ACACA: variants seen among roughly 807,000 people sequenced by gnomAD.
The protein encoded by ACACA is acetyl-CoA carboxylase 1.
In ACACA, 103 loss-of-function variants were observed where a neutral mutation model predicts 296.1. The ratio of observed to expected loss-of-function variants is 0.35; its 90% confidence interval spans 0.30 to 0.41. ACACA has a LOEUF of 0.41. Ranked by LOEUF, ACACA falls within the 10% of genes least tolerant of loss-of-function variation. The probability of loss-of-function intolerance (pLI) is 1.00; values close to 1 mark genes in which losing one functional copy is unlikely to be tolerated. For synonymous variants in ACACA, 953 were observed against 1,038.6 expected, an observed-to-expected ratio of 0.92 and a Z score of 1.58; for missense variants, 1,554 against 2,989.7, an observed-to-expected ratio of 0.52 and a Z score of 11.20.
At chr17:37,401,160 C>T (rs967910521) in intron 1 of ACACA, among the ~76,000 whole-genome samples, 1 of 151,204 alleles carries the variant, frequency 6.6e-6, no homozygotes, top group Non-Finnish European at 1.5e-5. Context: ...TTTCACATAC[C>T]AGTTAGCTAT....
At chr17:37,202,628 TTTTG>T (rs1175926406) in intron 33 of ACACA, among the ~76,000 whole-genome samples, 2 of 146,192 alleles carry the variant, frequency 1.4e-5, no homozygotes, top group Non-Finnish European at 3.0e-5. Flanking sequence ...CCACTTTATC[TTTTG>T]TTTTTTTCTT....
intron 14 of ACACA, among the ~76,000 whole-genome samples, chr17:37,254,848 T>C (rs2081155713): frequency 6.9e-6 from 1 of 144,064 alleles, no homozygotes; most frequent in Admixed American, 7.1e-5. Flanking sequence ...CTGGGTGTGG[T>C]GGCGGGCACT....
chr17:37,177,595 T>G (rs1009497622), intron 41 of ACACA, among the ~76,000 whole-genome samples: 1 of 152,218 alleles, frequency 6.6e-6, no homozygotes, highest in Admixed American at 6.5e-5. Context: ...AAAACCATTT[T>G]GCTCTCAGCC....
chr17:37,144,414 C>G, intron 45 of ACACA: 1 of 341,702 alleles, frequency 2.9e-6, no homozygotes, highest in Admixed American at 4.0e-5. Flanking sequence ...GCTGCCCGCC[C>G]CACAGTGAGA....
intron 47 of ACACA, 140 bp downstream of exon 47, chr17:37,129,225 G>T: frequency 2.5e-6 from 3 of 1,187,568 alleles, no homozygotes; most frequent in Non-Finnish European, 3.7e-6. Flanking sequence ...CAGAGGGCTG[G>T]TTTTCAGGTC....
At position 37,258,212 on chromosome 17, in the gene ACACA, C is replaced by G; in HGVS notation, c.1662G>C (p.Glu554Asp). ...AARITSENPDEGFKPSSGTVQ... is the reference protein window; with the variant it reads ...AARITSENPDDGFKPSSGTVQ... ...ATAAACCTTTTAAGTGATGGGTTAC[C>G]TCATCTGGATTTTCACTAGTGATCC... The change falls in exon 13 of 56, where the codon GAG becomes GAC. Residue 554 changes from glutamate to aspartate, a missense_variant and splice_region_variant. Physicochemically the swap from Glu to Asp is conservative, Grantham distance 45 (BLOSUM62 2). Transcript: ENST00000616317. 6.2e-7 allele frequency: 1 copy of G among 1,613,984 alleles called. No individual in the cohort carries two copies. Among genetic ancestry groups the G allele is most frequent in the Non-Finnish European group, 8.5e-7 (1 of 1,179,956 alleles).
intron 1 of ACACA, among the ~76,000 whole-genome samples, chr17:37,348,692 T>TA (rs2048741286): frequency 6.6e-6 from 1 of 152,042 alleles, no homozygotes; most frequent in Non-Finnish European, 1.5e-5. Flanking sequence ...ACACCAATGC[T>TA]ATACGGGCGC....
chr17:37,390,828 T>C (rs2050850888), intron 1 of ACACA, among the ~76,000 whole-genome samples: 1 of 151,770 alleles, frequency 6.6e-6, no homozygotes, highest in Non-Finnish European at 1.5e-5. Context: ...CTCCTGAACA[T>C]TGGAAGAAAT....
At chr17:37,382,981 G>A (rs2050371264) in intron 1 of ACACA, among the ~76,000 whole-genome samples, 1 of 152,228 alleles carries the variant, frequency 6.6e-6, no homozygotes, top group Non-Finnish European at 1.5e-5. Flanking sequence ...AGGTTGCAGT[G>A]AGCCAAGATC....
At chr17:37,199,127 C>T (rs2078132871) in intron 35 of ACACA, among the ~76,000 whole-genome samples, 1 of 151,900 alleles carries the variant, frequency 6.6e-6, no homozygotes, top group Non-Finnish European at 1.5e-5. Context: ...GCAATCCCAG[C>T]TACTTGGGAG....
At chr17:37,240,312 T>C (rs910274516) in intron 24 of ACACA, among the ~76,000 whole-genome samples, 164 bp downstream of exon 24, 5 of 152,224 alleles carry the variant, frequency 3.3e-5, no homozygotes, top group African/African-American at 9.6e-5. Context: ...CTAGTGGATA[T>C]AGAGGTTTAG....
intron 24 of ACACA, among the ~76,000 whole-genome samples, chr17:37,236,609 G>A (rs1180479565): frequency 1.3e-5 from 2 of 152,058 alleles, no homozygotes; most frequent in Non-Finnish European, 2.9e-5. Context: ...TGGATCACTT[G>A]AGGTCAGACA....
chr17:37,185,722 C>G (rs975872290), intron 39 of ACACA, among the ~76,000 whole-genome samples: 2 of 151,896 alleles, frequency 1.3e-5, no homozygotes, highest in African/African-American at 4.8e-5. Flanking sequence ...GCCCCTGCCA[C>G]CACTCCCGGC....
chr17:37,310,793 CAAAAAA>C (rs74268026), intron 3 of ACACA, among the ~76,000 whole-genome samples: 4 of 50,510 alleles, frequency 7.9e-5, no homozygotes, highest in Non-Finnish European at 1.2e-4. Flanking sequence ...GACACCATCT[CAAAAAA>C]AAAAAAAAAA....
chr17:37,233,253 C>T (rs1269365910), intron 25 of ACACA, among the ~76,000 whole-genome samples: 7 of 152,190 alleles, frequency 4.6e-5, no homozygotes, highest in Admixed American at 1.3e-4. Context: ...ATCACACCAG[C>T]GTGATTACTT....
chr17:37,258,903 CAAT>C (rs1397655006), intron 12 of ACACA, among the ~76,000 whole-genome samples: 12 of 152,026 alleles, frequency 7.9e-5, no homozygotes, highest in African/African-American at 2.7e-4. Flanking sequence ...TGAGAGAAGA[CAAT>C]AATATTGACA....
chr17:37,130,253 C>T (rs1217196252), intron 45 of ACACA, 35 bp from the exon 46 acceptor site: 1 of 1,612,908 alleles, frequency 6.2e-7, no homozygotes, highest in African/African-American at 1.3e-5. Flanking sequence ...ACATTTGTCT[C>T]TATAGAAATA....
chr17:37,391,815 C>G, intron 1 of ACACA: 1 of 1,133,530 alleles, frequency 8.8e-7, no homozygotes, highest in Non-Finnish European at 1.3e-6. Flanking sequence ...ACACTTGTAT[C>G]TTCAGCAGGG....
rs184463978 is a variant in ACACA at position 37,085,489 on chromosome 17, A to C, written c.*1827T>G. On this transcript the variant is annotated 3_prime_UTR_variant, in exon 56 of 56. Coordinates refer to ENST00000616317, the MANE Select transcript of ACACA (RefSeq NM_198834.3). The stretch of plus-strand genomic sequence containing the variant: ...GGGATTTGATTTATTGCAAAAAAGC[A>C]TAGAAGAATAATCTGGTCAAAAATG... The C allele has an allele frequency of 2.5e-6, 1 of 397,842 alleles. No homozygotes were observed. The highest frequency in any genetic ancestry group is 3.6e-5 in the East Asian group (1 of 28,086). The allele number at this position is 397,842 out of a possible 1,614,324, so 24.6% of individuals were successfully genotyped here.
Sources: allele counts gnomAD v4.1 joint callset (sites outside exome capture counted in the v4.1 genomes callset), GRCh38; gene constraint gnomAD v4.1.1; transcripts MANE v1.5; gene names NCBI Gene and HGNC (gene_info 2026-07-23, HGNC 2026-07-21).